LRRC8B: variants seen among roughly 807,000 people sequenced by gnomAD.
The protein encoded by LRRC8B is volume-regulated anion channel subunit LRRC8B.
In LRRC8B, 23 loss-of-function variants were observed where a neutral mutation model predicts 58.8. That is an observed-to-expected ratio of 0.39 (90% CI 0.28 to 0.55). The LOEUF is 0.55. Ranked by LOEUF, LRRC8B falls within the 20% of genes least tolerant of loss-of-function variation. LRRC8B has a pLI of 0.62. For synonymous variants in LRRC8B, 359 were observed against 374.1 expected, an observed-to-expected ratio of 0.96 and a Z score of 0.47; for missense variants, 694 against 936.0, an observed-to-expected ratio of 0.74 and a Z score of 3.37.
At chr1:89,538,709 AG>A (rs1650722079) in intron 1 of LRRC8B, among the ~76,000 whole-genome samples, 1 of 148,022 alleles carries the variant, frequency 6.8e-6, no homozygotes. Flanking sequence ...AGCATCTTCG[AG>A]GTTTTTTTTT....
At chr1:89,589,901 G>A (rs1654873633) in intron 5 of LRRC8B, among the ~76,000 whole-genome samples, 1 of 145,766 alleles carries the variant, frequency 6.9e-6, no homozygotes, top group African/African-American at 2.4e-5. Flanking sequence ...CTGTTCTCGG[G>A]GACTTCAATT....
intron 3 of LRRC8B, among the ~76,000 whole-genome samples, chr1:89,577,082 T>G (rs907466972): frequency 1.3e-5 from 2 of 152,182 alleles, no homozygotes; most frequent in African/African-American, 4.8e-5. Context: ...GGATATAAGG[T>G]GATTTTTAAA....
chr1:89,582,525 A>G, intron 4 of LRRC8B, 100 bp from the exon 5 acceptor site: 1 of 705,414 alleles, frequency 1.4e-6, no homozygotes, highest in South Asian at 1.8e-5. Context: ...CCCAGAGCTA[A>G]ATCCTACTTG....
In LRRC8B at chr1:89,562,150, AACACAC is replaced by A. The variant is rs59568247; in HGVS notation, c.-240-6070_-240-6065del. ...TTACTGTCTTATAACCACCTCCCAA[AACACAC>A]ACACACACACACACACACACACACA... is the stretch of plus-strand genomic sequence containing the variant. On this transcript the variant is annotated intron_variant, in intron 1 of 5. Coordinates refer to ENST00000330947, the MANE Select transcript of LRRC8B (RefSeq NM_001369817.2). Among the ~76,000 whole-genome samples, 217 of 139,610 alleles carry A rather than the reference AACACAC, an allele frequency of 1.6e-3. 2 individuals carry two copies. The highest frequency in any genetic ancestry group is 5.1e-3 in the African/African-American group (191 of 37,482). The allele number at this position is 139,610 out of a possible 152,430, so 91.6% of individuals were successfully genotyped here.
chr1:89,536,703 T>G (rs944026838), intron 1 of LRRC8B, among the ~76,000 whole-genome samples: 4 of 152,062 alleles, frequency 2.6e-5, no homozygotes, highest in African/African-American at 9.7e-5. Flanking sequence ...TGGTTCTTGT[T>G]GGGGATTAGG....
chr1:89,591,962 AG>A (rs996594778), intron 5 of LRRC8B, among the ~76,000 whole-genome samples: 17 of 152,150 alleles, frequency 1.1e-4, no homozygotes, highest in African/African-American at 4.1e-4. Context: ...GATGAGTTGA[AG>A]GGATTGTGTA....
chr1:89,550,352 T>G (rs893921804), intron 1 of LRRC8B, among the ~76,000 whole-genome samples: 4 of 152,182 alleles, frequency 2.6e-5, no homozygotes, highest in Admixed American at 2.0e-4. Flanking sequence ...AAGTGGCAAA[T>G]TCTAACTTTT....
rs1224914204 is a variant in LRRC8B at position 89,582,753 on chromosome 1, A to G, written c.103A>G (p.Met35Val). ...DVFWYYITLI[M>V]LLVAVLAGAL... is the part of the protein sequence containing the mutation. Reference sequence around the variant, plus strand: ...CTTCTGGTATTACATCACACTGATCATGCTGCTGGTGGCCGTGCTGGCCGG... The same window carrying G: ...CTTCTGGTATTACATCACACTGATCGTGCTGCTGGTGGCCGTGCTGGCCGG... The change falls in exon 5 of 6, where the codon ATG becomes GTG. Residue 35 changes from methionine to valine, a missense_variant. By Grantham distance (21) the Met-to-Val change is conservative (BLOSUM62 1). This residue lies in a region of LRRC8B where 316 missense variants were observed against 403.8 expected (regional missense o/e 0.78). Transcript: ENST00000330947. 3 of 1,614,212 alleles carry G rather than the reference A, an allele frequency of 1.9e-6. No individual in the cohort carries two copies. Among genetic ancestry groups the G allele is most frequent in the South Asian group, 2.2e-5 (2 of 91,092 alleles).
At chr1:89,550,788 T>TA (rs1473454288) in intron 1 of LRRC8B, among the ~76,000 whole-genome samples, 6 of 152,150 alleles carry the variant, frequency 3.9e-5, no homozygotes, top group Non-Finnish European at 5.9e-5. Context: ...GTCTCACTGA[T>TA]ACTACCATGG....
At position 89,576,192 on chromosome 1, in the gene LRRC8B, C is replaced by T. The variant is rs554671837; in HGVS notation, c.-124-3399C>T. Among the ~76,000 whole-genome samples, 3 of 152,298 alleles carry T rather than the reference C, an allele frequency of 2.0e-5. No homozygotes were observed. In the South Asian group the frequency reaches 6.2e-4, roughly 32 times the overall value. ...TGCATCTCTCCATAGCTCAGTGATT[C>T]ACTGTTCTACTGCTTCACGTTCCTG... is the stretch of plus-strand genomic sequence containing the variant. On this transcript the variant is annotated intron_variant, in intron 3 of 5. Coordinates refer to ENST00000330947, the MANE Select transcript of LRRC8B (RefSeq NM_001369817.2).
chr1:89,541,744 A>G (rs1651005312), intron 1 of LRRC8B, among the ~76,000 whole-genome samples: 1 of 124,146 alleles, frequency 8.1e-6, no homozygotes, highest in Non-Finnish European at 1.7e-5. Context: ...AAAAAAAAAA[A>G]AAAAAGCTGG....
chr1:89,583,468 T>C lies in LRRC8B; in HGVS notation c.818T>C (p.Ile273Thr). The change falls in exon 5 of 6, where the codon ATA becomes ACA. Residue 273 changes from isoleucine (I) to threonine (T), a missense_variant. This residue lies in a region of LRRC8B where 316 missense variants were observed against 403.8 expected (regional missense o/e 0.78). Coordinates refer to ENST00000330947, the MANE Select transcript of LRRC8B (RefSeq NM_001369817.2). This position sits in a 1 kb window ranked among gnomAD's most constrained non-coding sequence, Gnocchi z 5.2. The part of the protein sequence containing the change: ...IVKVILFVLI[I>T]TYVPYFLTHI... ...AAAGTCATTTTGTTTGTGCTCATCA[T>C]AACTTATGTTCCATATTTTTTAACC... is the stretch of plus-strand genomic sequence containing the variant. 3 of 1,614,106 alleles carry C rather than the reference T, an allele frequency of 1.9e-6. No homozygotes were observed. The highest frequency in any genetic ancestry group is 2.5e-6 in the Non-Finnish European group (3 of 1,180,010).
intron 5 of LRRC8B, among the ~76,000 whole-genome samples, chr1:89,592,138 A>T (rs981527098): frequency 6.6e-6 from 1 of 152,200 alleles, no homozygotes; most frequent in African/African-American, 2.4e-5. Flanking sequence ...TATTATATTT[A>T]AAAGTATCTG....
At chr1:89,581,231 G>A (rs1654201281) in intron 4 of LRRC8B, among the ~76,000 whole-genome samples, 2 of 148,694 alleles carry the variant, frequency 1.3e-5, no homozygotes, top group South Asian at 4.3e-4. Context: ...CCCAGGAGGT[G>A]GAGGTTTCAG....
intron 1 of LRRC8B, among the ~76,000 whole-genome samples, chr1:89,533,856 C>T (rs1650325485): frequency 6.6e-6 from 1 of 152,140 alleles, no homozygotes; most frequent in Admixed American, 6.5e-5. Context: ...CTGGTATTTG[C>T]ATAAAATTTT....
intron 1 of LRRC8B, among the ~76,000 whole-genome samples, chr1:89,526,762 TA>T (rs1649733604): frequency 6.6e-6 from 1 of 152,224 alleles, no homozygotes; most frequent in Non-Finnish European, 1.5e-5. Flanking sequence ...ACAACATTTT[TA>T]AATCTGCATG....
chr1:89,555,016 A>G (rs1652077131), intron 1 of LRRC8B, among the ~76,000 whole-genome samples: 1 of 152,130 alleles, frequency 6.6e-6, no homozygotes, highest in East Asian at 1.9e-4. Flanking sequence ...TGGGGAGTAT[A>G]TCTTTTGTCT....
At chr1:89,567,569 T>G (rs1021703831) in intron 1 of LRRC8B, among the ~76,000 whole-genome samples, 1 of 152,180 alleles carries the variant, frequency 6.6e-6, no homozygotes, top group Non-Finnish European at 1.5e-5. Context: ...ACATATGGAT[T>G]AGCAATTTTT....
At chr1:89,544,456 T>C (rs1277129593) in intron 1 of LRRC8B, among the ~76,000 whole-genome samples, 1 of 152,250 alleles carries the variant, frequency 6.6e-6, no homozygotes, top group East Asian at 1.9e-4. Flanking sequence ...AGCTGTTGTT[T>C]TTATCGACTA....
Sources: allele counts gnomAD v4.1 joint callset (sites outside exome capture counted in the v4.1 genomes callset), GRCh38; gene constraint gnomAD v4.1.1; regional missense constraint gnomAD v4.1.1; non-coding constraint Gnocchi (gnomAD v3.1); transcripts MANE v1.5; gene names NCBI Gene and HGNC (gene_info 2026-07-23, HGNC 2026-07-21).